The following USP10 variants were observed in gnomAD, a reference collection of about 807,000 sequenced individuals.
USP10 encodes ubiquitin specific peptidase 10, also known as ubiquitin carboxyl-terminal hydrolase 10.
In USP10, 22 loss-of-function variants were observed where a neutral mutation model predicts 84.5. The ratio of observed to expected loss-of-function variants is 0.26; its 90% CI spans 0.19 to 0.37. The LOEUF is 0.37. Among genes scored for constraint, USP10 ranks in the 10% least tolerant of loss-of-function variants. USP10 has a pLI of 1.00. For synonymous variants in USP10, 454 were observed against 387.6 expected, an observed-to-expected ratio of 1.17 and a Z score of -2.01; for missense variants, 1,019 against 998.9, an observed-to-expected ratio of 1.02 and a Z score of -0.27.
intron 4 of USP10, among the ~76,000 whole-genome samples, chr16:84,756,320 C>T (rs1912535819): frequency 6.6e-6 from 1 of 152,208 alleles, no homozygotes; most frequent in Non-Finnish European, 1.5e-5. Flanking sequence ...CAGCCACACA[C>T]CATGGCTCAT....
chr16:84,773,710 A>G (rs886111963), intron 12 of USP10, among the ~76,000 whole-genome samples: 1 of 152,206 alleles, frequency 6.6e-6, no homozygotes, highest in Non-Finnish European at 1.5e-5. Flanking sequence ...AGCAAGAGGA[A>G]GAAAGATGCC....
intron 1 of USP10, among the ~76,000 whole-genome samples, chr16:84,721,078 A>T (rs1473877287): frequency 2.7e-5 from 4 of 150,486 alleles, no homozygotes; most frequent in African/African-American, 9.8e-5. Context: ...ATTTTTAGTA[A>T]AGACGGGGTT....
chr16:84,760,086 G>A, intron 7 of USP10, 86 bp from the exon 8 acceptor site: 1 of 1,507,792 alleles, frequency 6.6e-7, no homozygotes. Flanking sequence ...CCAGGTGGGA[G>A]GTGGGGGAGT....
Position 84,700,296 on chromosome 16 carries a change from C to G in USP10, c.21+185C>G, listed in dbSNP as rs1347286582. On this transcript the variant is annotated intron_variant, in intron 1 of 13. Coordinates refer to ENST00000219473, the MANE Select transcript of USP10 (RefSeq NM_005153.3). ...CTCCGCGCCCGCCGCGCCTTCGTCC[C>G]CTGAGCCACCCGGACCCCCTAGTCC... Among the ~76,000 whole-genome samples the G allele has an allele frequency of 2.6e-5, 4 of 151,916 alleles. No individual in the cohort carries two copies. In the East Asian group the frequency reaches 5.8e-4, roughly 22 times the overall value.
chr16:84,716,432 A>C (rs943365854), intron 1 of USP10: 1 of 152,160 alleles, frequency 6.6e-6, no homozygotes, highest in African/African-American at 2.4e-5. Flanking sequence ...TCATTCAGCA[A>C]ATCTTTATTA....
At chr16:84,704,024 G>A (rs1053477469) in intron 1 of USP10, among the ~76,000 whole-genome samples, 2 of 152,236 alleles carry the variant, frequency 1.3e-5, no homozygotes, top group African/African-American at 4.8e-5. Context: ...GGATTACGAA[G>A]CTTAATGATT....
intron 8 of USP10, among the ~76,000 whole-genome samples, chr16:84,762,692 A>G (rs1469915554): frequency 8.4e-6 from 1 of 118,580 alleles, no homozygotes; most frequent in African/African-American, 3.1e-5. Flanking sequence ...CTTTGTCTCA[A>G]AAAAAAAAAA....
chr16:84,711,441 G>T (rs532244252), intron 1 of USP10, among the ~76,000 whole-genome samples: 1 of 152,144 alleles, frequency 6.6e-6, no homozygotes, highest in Non-Finnish European at 1.5e-5. Flanking sequence ...CCTGAAGCCT[G>T]GTTGTCAACA....
chr16:84,732,901 A>G (rs1369532095), intron 1 of USP10, among the ~76,000 whole-genome samples: 1 of 152,214 alleles, frequency 6.6e-6, no homozygotes, highest in Non-Finnish European at 1.5e-5. Flanking sequence ...TCTGTCTGAT[A>G]ATATGTGTAT....
At chr16:84,704,781 C>T (rs1047776207) in intron 1 of USP10, 7 of 1,535,260 alleles carry the variant, frequency 4.6e-6, no homozygotes, top group Non-Finnish European at 4.4e-6. Flanking sequence ...GACTTGAGAA[C>T]CCAGAAGCTC....
chr16:84,772,750 C>T (rs1000437829), intron 12 of USP10, 65 bp downstream of exon 12: 8 of 1,580,158 alleles, frequency 5.1e-6, no homozygotes, highest in African/African-American at 2.7e-5. Context: ...AAGCTCAACC[C>T]TGTAGCATTT....
chr16:84,764,330 G>A (rs2150858020), intron 10 of USP10, 67 bp downstream of exon 10: 2 of 1,599,038 alleles, frequency 1.3e-6, no homozygotes, highest in Non-Finnish European at 1.7e-6. Flanking sequence ...GGTGAAGGGG[G>A]AAGGTGTGAG....
chr16:84,767,524 T>C (rs1340342751), intron 10 of USP10, among the ~76,000 whole-genome samples: 1 of 152,152 alleles, frequency 6.6e-6, no homozygotes, highest in Non-Finnish European at 1.5e-5. Flanking sequence ...TCTATTTACC[T>C]TGGGATTTCC....
At chr16:84,765,336 G>A (rs1257000893) in intron 10 of USP10, among the ~76,000 whole-genome samples, 1 of 151,638 alleles carries the variant, frequency 6.6e-6, no homozygotes, top group Non-Finnish European at 1.5e-5. Flanking sequence ...TGCACTATGA[G>A]TAGCTCTTGT....
chr16:84,703,057 A>G (rs1905096353), intron 1 of USP10, among the ~76,000 whole-genome samples: 2 of 150,846 alleles, frequency 1.3e-5, no homozygotes, highest in South Asian at 4.2e-4. Flanking sequence ...TTTATAGGTT[A>G]ATAACCTTAT....
chr16:84,719,037 C>T (rs1907435262), intron 1 of USP10, among the ~76,000 whole-genome samples: 1 of 152,022 alleles, frequency 6.6e-6, no homozygotes, highest in African/African-American at 2.4e-5. Flanking sequence ...AATGATCCAC[C>T]CGTCTCGGCC....
At chr16:84,768,582 CT>C (rs1914106602) in intron 11 of USP10, among the ~76,000 whole-genome samples, 1 of 152,126 alleles carries the variant, frequency 6.6e-6, no homozygotes, top group African/African-American at 2.4e-5. Context: ...TAATGATCTC[CT>C]TTTGGATTGT....
chr16:84,736,162 C>T (rs1271402640), intron 2 of USP10, among the ~76,000 whole-genome samples: 3 of 152,210 alleles, frequency 2.0e-5, no homozygotes, highest in Non-Finnish European at 4.4e-5. Flanking sequence ...AACATAATTG[C>T]CGCTCAAACA....
chr16:84,714,428 C>G (rs955214217), intron 1 of USP10, among the ~76,000 whole-genome samples: 2 of 152,306 alleles, frequency 1.3e-5, no homozygotes, highest in African/African-American at 4.8e-5. Flanking sequence ...AGGCCATCCT[C>G]CCTCTTTAGC....
Sources: allele counts gnomAD v4.1 joint callset (sites outside exome capture counted in the v4.1 genomes callset), GRCh38; gene constraint gnomAD v4.1.1; transcripts MANE v1.5; gene names NCBI Gene and HGNC (gene_info 2026-07-23, HGNC 2026-07-21).